The following ARHGAP25 variants were observed in gnomAD, a reference collection of about 807,000 sequenced individuals.
The protein encoded by ARHGAP25 is Rho GTPase activating protein 25.
In ARHGAP25, 34 loss-of-function variants were observed where a neutral mutation model predicts 71.0. The ratio of observed to expected loss-of-function variants is 0.48; its 90% CI spans 0.36 to 0.64. The LOEUF is 0.64. ARHGAP25 is among the 30% of genes least tolerant of loss of function. The pLI is 0.00. For missense variants in ARHGAP25, 706 were observed against 805.1 expected, an observed-to-expected ratio of 0.88 and a Z score of 1.49; for synonymous variants, 282 against 296.5, an observed-to-expected ratio of 0.95 and a Z score of 0.50.
At chr2:68,733,214 A>G (rs1243711027), upstream of ARHGAP25, among the ~76,000 whole-genome samples, 1 of 152,194 alleles carries the variant, frequency 6.6e-6, no homozygotes, top group African/African-American at 2.4e-5. Flanking sequence ...CAGAGGGCTC[A>G]GAGTTGGAGA....
intron 4 of ARHGAP25, among the ~76,000 whole-genome samples, chr2:68,806,350 C>T (rs1220619776): frequency 6.6e-6 from 1 of 152,124 alleles, no homozygotes; most frequent in Non-Finnish European, 1.5e-5. Flanking sequence ...TAGTAAACAA[C>T]CTAAATTATT....
chr2:68,736,599 A>G (rs1675234373), intron 1 of ARHGAP25, among the ~76,000 whole-genome samples: 1 of 152,232 alleles, frequency 6.6e-6, no homozygotes, highest in Admixed American at 6.5e-5. Context: ...GAGACAATTA[A>G]TAGTTAAATG....
At chr2:68,821,644 TG>T (rs1268554085) in intron 9 of ARHGAP25, among the ~76,000 whole-genome samples, 1 of 152,212 alleles carries the variant, frequency 6.6e-6, no homozygotes, top group Non-Finnish European at 1.5e-5. Flanking sequence ...TGTCAAATTT[TG>T]GGGGTTTGCT....
chr2:68,812,197 A>G (rs148286251), intron 5 of ARHGAP25, among the ~76,000 whole-genome samples: 3 of 152,152 alleles, frequency 2.0e-5, no homozygotes, highest in Non-Finnish European at 4.4e-5. Context: ...TTCTTCTATA[A>G]TTTTACTTAC....
At chr2:68,766,213 C>T (rs1677113591) in intron 1 of ARHGAP25, among the ~76,000 whole-genome samples, 1 of 152,234 alleles carries the variant, frequency 6.6e-6, no homozygotes, top group Non-Finnish European at 1.5e-5. Flanking sequence ...GCAGAGCTTA[C>T]TGCACTAATT....
chr2:68,758,370 A>G (rs1016994455), intron 1 of ARHGAP25, among the ~76,000 whole-genome samples: 8 of 151,998 alleles, frequency 5.3e-5, no homozygotes, highest in Non-Finnish European at 7.4e-5. Flanking sequence ...CAAGAGACTC[A>G]CTTTAGACCC....
intron 5 of ARHGAP25, 107 bp from the exon 6 acceptor site, chr2:68,813,180 C>G: frequency 7.5e-7 from 1 of 1,330,934 alleles, no homozygotes; most frequent in East Asian, 2.6e-5. Flanking sequence ...CAAAATTTCC[C>G]TTTGTAATTT....
At chr2:68,796,123 G>T (rs368234299) in intron 4 of ARHGAP25, among the ~76,000 whole-genome samples, 7 of 152,226 alleles carry the variant, frequency 4.6e-5, no homozygotes, top group African/African-American at 1.7e-4. Flanking sequence ...TGCTGTTGCA[G>T]CTTTTGAATG....
At chr2:68,821,345 C>T (rs1217285154) in intron 9 of ARHGAP25, among the ~76,000 whole-genome samples, 1 of 152,116 alleles carries the variant, frequency 6.6e-6, no homozygotes, top group East Asian at 1.9e-4. Flanking sequence ...AGTGATCCAC[C>T]CTCCTCAGCC....
chr2:68,736,414 T>C lies in ARHGAP25; in HGVS notation c.61+1154T>C, dbSNP rs184787923. Among the ~76,000 whole-genome samples the C allele has an allele frequency of 9.5e-4, 144 of 152,346 alleles. No homozygotes were observed. The Middle Eastern group carries it at 0.014, about 14-fold the overall frequency. On this transcript the variant is annotated intron_variant, in intron 1 of 10. Coordinates refer to ENST00000409202, the MANE Select transcript of ARHGAP25 (RefSeq NM_001007231.3). ...CAAGAGATTTTCCTCCTAACTATCA[T>C]TGATACAAATGTACTTGGCTAATGC... is the stretch of plus-strand genomic sequence containing the variant.
At position 68,807,260 on chromosome 2, in the gene ARHGAP25, G is replaced by A. The variant is rs138750713; in HGVS notation, c.467-13G>A. On this transcript the variant is annotated splice_polypyrimidine_tract_variant and intron_variant, in intron 4 of 10. Transcript: ENST00000409202. ...ACAGAATGACGGGCAGGTTCTGTTTGCTCTCTCCTCAGCAGTGTTTGGCCA... is the reference window on the plus strand; with the variant it reads ...ACAGAATGACGGGCAGGTTCTGTTTACTCTCTCCTCAGCAGTGTTTGGCCA... The A allele has an allele frequency of 2.5e-6, 4 of 1,613,960 alleles. No homozygotes were observed. In the African/African-American group the frequency reaches 5.3e-5, roughly 22 times the overall value.
chr2:68,738,284 C>G (rs1027043800), intron 1 of ARHGAP25, among the ~76,000 whole-genome samples: 15 of 152,170 alleles, frequency 9.9e-5, no homozygotes, highest in African/African-American at 3.6e-4. Context: ...CCCCAGGTTA[C>G]AGGGCTTTCT....
At chr2:68,773,499 A>G (rs1033447869) in intron 1 of ARHGAP25, among the ~76,000 whole-genome samples, 2 of 152,236 alleles carry the variant, frequency 1.3e-5, no homozygotes, top group East Asian at 3.8e-4. Flanking sequence ...GAGGACTCCA[A>G]AAGTGGGGAA....
chr2:68,782,346 G>A, intron 3 of ARHGAP25, 26 bp downstream of exon 3: 2 of 1,601,452 alleles, frequency 1.2e-6, no homozygotes, highest in Non-Finnish European at 1.7e-6. Flanking sequence ...TAGGACAGAG[G>A]TGCAGTGCAG....
At chr2:68,738,890 G>A (rs186123661) in intron 1 of ARHGAP25, among the ~76,000 whole-genome samples, 2 of 152,016 alleles carry the variant, frequency 1.3e-5, no homozygotes, top group Non-Finnish European at 2.9e-5. Context: ...CAAGGGAGCT[G>A]TTCCTTCCAG....
chr2:68,752,446 A>G (rs1464099037), intron 1 of ARHGAP25, among the ~76,000 whole-genome samples: 3 of 152,154 alleles, frequency 2.0e-5, no homozygotes, highest in Non-Finnish European at 4.4e-5. Context: ...CAGTGGCATT[A>G]TTGTTATCTC....
upstream of ARHGAP25, among the ~76,000 whole-genome samples, chr2:68,731,697 AT>A (rs1313466104): frequency 6.6e-6 from 1 of 151,988 alleles, no homozygotes; most frequent in Non-Finnish European, 1.5e-5. Context: ...TTTGTCTGGA[AT>A]CCTTTTTCCA....
intron 2 of ARHGAP25, among the ~76,000 whole-genome samples, chr2:68,727,172 G>A (rs547504682): frequency 1.6e-4 from 25 of 152,242 alleles, no homozygotes; most frequent in Non-Finnish European, 2.8e-4. Context: ...GGTTGAGTGC[G>A]TCTGCAACAC....
rs118069382 is a variant in ARHGAP25, at chr2:68,751,517, C to T, written c.61+16257C>T. 1.4e-4 allele frequency among the ~76,000 whole-genome samples: 21 copies of T among 152,316 alleles called. No homozygotes were observed. The East Asian group carries it at 3.3e-3, about 24-fold the overall frequency. On this transcript the variant is annotated intron_variant, in intron 1 of 10. Transcript: ENST00000409202. Reference sequence around the variant, plus strand: ...CCTCCTATTCGCACACCTGCCATTGCCATTTTCCCTTTCTGTTCCAAACGA... The same window carrying T: ...CCTCCTATTCGCACACCTGCCATTGTCATTTTCCCTTTCTGTTCCAAACGA...
Sources: allele counts gnomAD v4.1 joint callset (sites outside exome capture counted in the v4.1 genomes callset), GRCh38; gene constraint gnomAD v4.1.1; transcripts MANE v1.5; gene names NCBI Gene and HGNC (gene_info 2026-07-23, HGNC 2026-07-21).